Variants in SLC6A13 observed in about 807,000 individuals in gnomAD.
The protein encoded by SLC6A13 is solute carrier family 6 member 13, also known as sodium- and chloride-dependent GABA transporter 2.
Under a neutral mutation model 72.9 loss-of-function variants are expected in SLC6A13, and 69 were observed. That is an observed-to-expected ratio of 0.95 (90% CI 0.78 to 1.16). The LOEUF (loss-of-function observed/expected upper bound fraction) is 1.16. Among genes scored for constraint, SLC6A13 ranks in the 50% most tolerant of loss-of-function variants. The pLI is 0.00. For missense variants in SLC6A13, 735 were observed against 760.5 expected (o/e 0.97, Z 0.39); for synonymous variants, 303 against 303.0 (o/e 1.00, Z 0.00).
intron 2 of SLC6A13, chr12:259,480 T>C (rs1363591167): frequency 7.8e-7 from 1 of 1,287,184 alleles, no homozygotes; most frequent in Non-Finnish European, 9.9e-7. Context: ...ATCCTTACAA[T>C]GACCTTGAAA....
At chr12:222,047 A>G (rs1941235015) in intron 13 of SLC6A13, among the ~76,000 whole-genome samples, 1 of 152,214 alleles carries the variant, frequency 6.6e-6, no homozygotes, top group Non-Finnish European at 1.5e-5. Flanking sequence ...GCAACTTTCT[A>G]GCTTGGGCCA....
intron 2 of SLC6A13, among the ~76,000 whole-genome samples, chr12:250,542 G>T (rs1423762956): frequency 6.6e-6 from 1 of 152,074 alleles, no homozygotes; most frequent in African/African-American, 2.4e-5. Context: ...ATTTACAATA[G>T]CATCAAAAAT....
chr12:227,452 CAG>C (rs1374149224), intron 8 of SLC6A13, 111 bp downstream of exon 8: 7 of 1,535,356 alleles, frequency 4.6e-6, no homozygotes, highest in Non-Finnish European at 6.1e-6. Context: ...GGGGTGTAGA[CAG>C]GGGGGCAGAT....
chr12:228,371 G>A (rs1421320886), intron 7 of SLC6A13, among the ~76,000 whole-genome samples: 31 of 152,004 alleles, frequency 2.0e-4, no homozygotes, highest in Admixed American at 2.0e-3. Flanking sequence ...AGGACCGAGC[G>A]ACCCTGCAGA....
chr12:227,762 G>T (rs1941526013), intron 7 of SLC6A13, 94 bp from the exon 8 acceptor site: 1 of 1,043,594 alleles, frequency 9.6e-7, no homozygotes, highest in Admixed American at 2.6e-5. Context: ...GCCAGACACT[G>T]GCTAGGGATG....
rs568497411 is a variant in SLC6A13 at position 228,098 on chromosome 12, G to A, written c.832-430C>T. ...CTAATAGCAGGGCCACCACCAGTAT[G>A]TAGCTTTGCCCCTCACGTCTCAGCA... On this transcript the variant is annotated intron_variant, in intron 7 of 14. Transcript: ENST00000343164. 7.2e-5 allele frequency among the ~76,000 whole-genome samples: 11 copies of A among 152,246 alleles called. No individual in the cohort carries two copies. The East Asian group carries it at 1.7e-3, about 24-fold the overall frequency.
rs369619208 is a variant in SLC6A13 at position 227,645 on chromosome 12, C to G, written c.855G>C (p.Gln285His). The G allele has an allele frequency of 3.7e-6, 6 of 1,611,738 alleles. No individual in the cohort carries two copies. Among genetic ancestry groups the G allele is most frequent in the Non-Finnish European group, 5.1e-6 (6 of 1,178,716 alleles). ...GACAGATGGCGAAGGAGAAGAATAT[C>G]TGGGTGCCTGCATCCATCCACACCT... ...DPQVWMDAGT[Q>H]IFFSFAICLG... The change falls in exon 8 of 15, where the codon CAG becomes CAC. Residue 285 changes from glutamine (Q) to histidine (H), a missense_variant. Gln to His is a conservative substitution (Grantham distance 24). Coordinates refer to ENST00000343164, the MANE Select transcript of SLC6A13 (RefSeq NM_016615.5).
At chr12:237,398 G>C (rs919704604) in intron 5 of SLC6A13, 108 bp from the exon 6 acceptor site, 15 of 1,237,056 alleles carry the variant, frequency 1.2e-5, no homozygotes, top group Non-Finnish European at 1.5e-5. Flanking sequence ...TTGTCCAAAG[G>C]CTTCTCTGCT....
chr12:262,632 T>C (rs1942964099), intron 1 of SLC6A13, 157 bp downstream of exon 1: 1 of 959,714 alleles, frequency 1.0e-6, no homozygotes, highest in Non-Finnish European at 1.2e-6. Context: ...GTCAAGAAAA[T>C]AGCACATAAT....
intron 2 of SLC6A13, among the ~76,000 whole-genome samples, chr12:250,848 A>AAAAAC (rs1942511314): frequency 1.3e-5 from 2 of 150,684 alleles, no homozygotes; most frequent in African/African-American, 2.4e-5. Context: ...AAAAAAAAAA[A>AAAAAC]AAAACCTAAA....
chr12:262,569 CTCTT>C (rs1350966736), intron 1 of SLC6A13: 3 of 335,378 alleles, frequency 8.9e-6, no homozygotes, highest in Non-Finnish European at 1.3e-5. Flanking sequence ...CTAGGGCTCT[CTCTT>C]TCCAAATCAC....
Position 235,108 on chromosome 12 carries a change from C to T in SLC6A13, c.813G>A (p.Thr271=), listed in dbSNP as rs147679992. The T allele has an allele frequency of 3.3e-5, 53 of 1,614,068 alleles. No homozygotes were observed. Among genetic ancestry groups the T allele is most frequent in the South Asian group, 5.5e-5 (5 of 91,088 alleles). ...GIQFYLYPNL[T]RLWDPQVWMD... ...TTCTTACCTGGGGATCCCACAGACGCGTGAGGTTTGGGTACAGGTAAAACT... is the reference window on the plus strand; with the variant it reads ...TTCTTACCTGGGGATCCCACAGACGTGTGAGGTTTGGGTACAGGTAAAACT... Residue 271 remains threonine, a synonymous_variant, in exon 7 of 15, where the codon ACG becomes ACA. Transcript: ENST00000343164.
intron 4 of SLC6A13, chr12:238,301 C>A: frequency 7.1e-7 from 1 of 1,402,554 alleles, no homozygotes; most frequent in Non-Finnish European, 9.4e-7. Context: ...TGCTTCAAGG[C>A]ATGCTAACAT....
chr12:236,694 A>G (rs1334268291), intron 6 of SLC6A13, among the ~76,000 whole-genome samples: 1 of 152,232 alleles, frequency 6.6e-6, no homozygotes, highest in Non-Finnish European at 1.5e-5. Flanking sequence ...CTAGCTTAGC[A>G]CAACCAGGCA....
chr12:245,652 C>G (rs549066647), intron 2 of SLC6A13, among the ~76,000 whole-genome samples: 1 of 151,500 alleles, frequency 6.6e-6, no homozygotes, highest in South Asian at 2.1e-4. Flanking sequence ...TGCACTCCAG[C>G]CTGGGCAACA....
At position 224,539 on chromosome 12, in the gene SLC6A13, G is replaced by A. The variant is rs759418134; in HGVS notation, c.1061-26C>T. ...CTACGACAAGGAGCAGAGGAACACG[G>A]GCCAGTGCCCGGGCCAGCTCCAGGC... On this transcript the variant is annotated intron_variant, in intron 9 of 14. Coordinates refer to ENST00000343164, the MANE Select transcript of SLC6A13 (RefSeq NM_016615.5). The A allele has an allele frequency of 1.9e-6, 3 of 1,590,320 alleles. No individual in the cohort carries two copies. The African/African-American group carries it at 4.0e-5, about 21-fold the overall frequency.
chr12:229,635 G>A (rs1941620436), intron 7 of SLC6A13, among the ~76,000 whole-genome samples: 1 of 152,348 alleles, frequency 6.6e-6, no homozygotes, highest in African/African-American at 2.4e-5. Flanking sequence ...CCCTTCATGA[G>A]GTCGGGCGCC....
intron 4 of SLC6A13, among the ~76,000 whole-genome samples, chr12:242,364 T>C (rs1338552099): frequency 6.6e-6 from 1 of 152,252 alleles, no homozygotes; most frequent in East Asian, 1.9e-4. Flanking sequence ...TCAAATTGAT[T>C]TAAGCAAATG....
At position 259,958 on chromosome 12, in the gene SLC6A13, C is replaced by T. The variant is rs371295073; in HGVS notation, c.95G>A (p.Arg32Gln). The change falls in exon 2 of 15, where the codon CGG (arginine) becomes CAG (glutamine). Residue 32 changes from arginine (R) to glutamine (Q), a missense_variant. Arg to Gln is a conservative substitution (Grantham distance 43). Coordinates refer to ENST00000343164, the MANE Select transcript of SLC6A13 (RefSeq NM_016615.5). The stretch of plus-strand genomic sequence containing the variant: ...CTCCATCTTGTTGTTCCAGTGCCCC[C>T]GCTCCAGGGTGCCATCTTCCTCCTT... ...EKKEEDGTLE[R>Q]GHWNNKMEFV... The T allele has an allele frequency of 1.6e-5, 26 of 1,614,096 alleles. No homozygotes were observed. The highest frequency in any genetic ancestry group is 4.0e-5 in the African/African-American group (3 of 74,924).
Sources: allele counts gnomAD v4.1 joint callset (sites outside exome capture counted in the v4.1 genomes callset), GRCh38; gene constraint gnomAD v4.1.1; transcripts MANE v1.5; gene names NCBI Gene and HGNC (gene_info 2026-07-23, HGNC 2026-07-21).